The following CLNK variants were observed in gnomAD, a reference collection of about 807,000 sequenced individuals.
The protein encoded by CLNK is cytokine dependent hematopoietic cell linker.
A neutral mutation model predicts 68.6 loss-of-function variants in CLNK; 74 were observed. The ratio of observed to expected loss-of-function variants is 1.08; its 90% CI spans 0.89 to 1.31. The LOEUF is 1.31. Ranked by LOEUF, CLNK falls within the 50% of genes most tolerant of loss-of-function variation. CLNK has a pLI of 0.00. For missense variants in CLNK, 553 were observed against 515.3 expected, an observed-to-expected ratio of 1.07 and a Z score of -0.71; for synonymous variants, 198 against 172.2, an observed-to-expected ratio of 1.15 and a Z score of -1.17.
intron 10 of CLNK, 56 bp from the exon 11 acceptor site, chr4:10,540,660 C>G (rs1718977598): frequency 8.1e-7 from 1 of 1,242,192 alleles, no homozygotes; most frequent in Non-Finnish European, 1.2e-6. Context: ...AGTGATGCCT[C>G]AGGCCCTGAA....
intron 7 of CLNK, among the ~76,000 whole-genome samples, chr4:10,563,882 G>C (rs1719995226): frequency 6.6e-6 from 1 of 152,006 alleles, no homozygotes; most frequent in East Asian, 1.9e-4. Flanking sequence ...ACTCCAGCCT[G>C]GGCAACAGAG....
intron 2 of CLNK, among the ~76,000 whole-genome samples, chr4:10,601,936 T>C (rs919626973): frequency 5.9e-5 from 9 of 152,222 alleles, no homozygotes; most frequent in African/African-American, 2.2e-4. Context: ...GGAAGTGCCA[T>C]AGGCTTGTAG....
intron 2 of CLNK, among the ~76,000 whole-genome samples, chr4:10,643,773 C>T (rs1235609553): frequency 2.0e-5 from 3 of 152,166 alleles, no homozygotes; most frequent in Non-Finnish European, 4.4e-5. Flanking sequence ...TCCAAATGTC[C>T]CAGAGGGAAA....
intron 2 of CLNK, among the ~76,000 whole-genome samples, chr4:10,619,692 A>AAGACAGAATTAAACAAACAG (rs1175265039): frequency 5.9e-5 from 9 of 152,226 alleles, no homozygotes; most frequent in African/African-American, 1.7e-4. Flanking sequence ...TGATCTTCAA[A>AAGACAGAATTAAACAAACAG]AGACAGAATT....
intron 2 of CLNK, among the ~76,000 whole-genome samples, chr4:10,661,520 T>TCCAG (rs1197832335): frequency 6.6e-6 from 1 of 152,164 alleles, no homozygotes; most frequent in African/African-American, 2.4e-5. Context: ...AACTTGTTCT[T>TCCAG]ATGTGGCAAT....
At chr4:10,558,486 A>G in intron 7 of CLNK, 34 bp from the exon 8 acceptor site, 1 of 1,597,728 alleles carries the variant, frequency 6.3e-7, no homozygotes, top group Non-Finnish European at 8.6e-7. Context: ...TTATCTCTTC[A>G]GTTGTGACTA....
chr4:10,628,856 C>T (rs1722779428), intron 2 of CLNK, among the ~76,000 whole-genome samples: 3 of 152,162 alleles, frequency 2.0e-5, no homozygotes, highest in Non-Finnish European at 4.4e-5. Context: ...ACAATCACCT[C>T]CTGCCCTTTG....
At chr4:10,693,578 C>T in the CLNK span, among the ~76,000 whole-genome samples, 1 of 152,192 alleles carries the variant, frequency 6.6e-6, no homozygotes, top group South Asian at 2.1e-4. Flanking sequence ...CCTGCCCACA[C>T]CTTGATTTAG....
intron 1 of CLNK, 29 bp from the exon 2 acceptor site, chr4:10,667,940 G>A: frequency 1.5e-5 from 18 of 1,210,048 alleles, no homozygotes; most frequent in Non-Finnish European, 2.1e-5. Flanking sequence ...ACGCGTTACT[G>A]GAACTTCCAC....
rs77363382 is a variant in CLNK, at chr4:10,586,837, C to T, written c.84-1882G>A. 6.1e-3 allele frequency among the ~76,000 whole-genome samples: 923 copies of T among 152,274 alleles called. 18 individuals carry two copies. The East Asian group carries it at 0.064, about 11-fold the overall frequency. On this transcript the variant is annotated intron_variant, in intron 3 of 18. Transcript: ENST00000226951. Reference sequence around the variant, plus strand: ...AGTTTGCCTACATGGCACTTGATTCCGCATTTTACCCATTTCACTTCCTTG... The same window carrying T: ...AGTTTGCCTACATGGCACTTGATTCTGCATTTTACCCATTTCACTTCCTTG...
At chr4:10,536,892 C>T (rs1157826474) in intron 11 of CLNK, among the ~76,000 whole-genome samples, 2 of 151,720 alleles carry the variant, frequency 1.3e-5, no homozygotes, top group African/African-American at 2.4e-5. Flanking sequence ...GGTTTGTGCC[C>T]GCAGAGGGAC....
intron 2 of CLNK, among the ~76,000 whole-genome samples, chr4:10,618,366 G>T (rs1433003925): frequency 6.6e-6 from 1 of 152,256 alleles, no homozygotes; most frequent in African/African-American, 2.4e-5. Flanking sequence ...TGGGGAAGTG[G>T]GTGGGGGACT....
intron 14 of CLNK, 76 bp from the exon 15 acceptor site, chr4:10,520,907 T>C (rs993398384): frequency 1.0e-6 from 1 of 988,706 alleles, no homozygotes; most frequent in African/African-American, 1.6e-5. Flanking sequence ...AGAGGCAAGG[T>C]CAATGATAAT....
chr4:10,653,253 T>C (rs956755585), intron 2 of CLNK, among the ~76,000 whole-genome samples: 19 of 152,044 alleles, frequency 1.2e-4, no homozygotes, highest in Admixed American at 1.1e-3. Flanking sequence ...GACAGGTTGA[T>C]GGGTGCAGCA....
chr4:10,632,952 T>C (rs1676042479), intron 2 of CLNK, among the ~76,000 whole-genome samples: 1 of 152,212 alleles, frequency 6.6e-6, no homozygotes, highest in Non-Finnish European at 1.5e-5. Flanking sequence ...ATAAGCATTT[T>C]ATCTTATTTT....
intron 2 of CLNK, among the ~76,000 whole-genome samples, chr4:10,619,550 AT>A (rs1241258196): frequency 6.6e-6 from 1 of 152,176 alleles, no homozygotes; most frequent in Admixed American, 6.5e-5. Context: ...AATTAGCTTC[AT>A]TTCTGCAGGA....
chr4:10,544,545 G>A (rs987158901), intron 8 of CLNK, among the ~76,000 whole-genome samples: 5 of 152,292 alleles, frequency 3.3e-5, no homozygotes, highest in African/African-American at 1.2e-4. Context: ...CGGAGAGTAG[G>A]AGCTGGGGCT....
At chr4:10,635,993 T>G (rs1196872083) in intron 2 of CLNK, 1 of 152,126 alleles carries the variant, frequency 6.6e-6, no homozygotes. Context: ...AACCACTAAC[T>G]CCTGCCGTGG....
chr4:10,595,649 C>G (rs1378564029), intron 3 of CLNK, among the ~76,000 whole-genome samples: 1 of 152,106 alleles, frequency 6.6e-6, no homozygotes, highest in Non-Finnish European at 1.5e-5. Context: ...AACTCCCACA[C>G]TCAACCTAGC....
Sources: allele counts gnomAD v4.1 joint callset (sites outside exome capture counted in the v4.1 genomes callset), GRCh38; gene constraint gnomAD v4.1.1; transcripts MANE v1.5; gene names NCBI Gene and HGNC (gene_info 2026-07-23, HGNC 2026-07-21).